SPATA13: variants seen among roughly 807,000 people sequenced by gnomAD.
SPATA13 encodes spermatogenesis associated 13.
In SPATA13, 50 loss-of-function variants were observed where a neutral mutation model predicts 104.0. That is an observed-to-expected ratio of 0.48 (90% CI 0.38 to 0.61). The LOEUF (loss-of-function observed/expected upper bound fraction) is 0.61. Among genes scored for constraint, SPATA13 ranks in the 20% least tolerant of loss-of-function variants. The probability of loss-of-function intolerance (pLI) is 0.00; values close to 1 mark genes in which losing one functional copy is unlikely to be tolerated. For missense variants in SPATA13, 1,524 were observed against 1,690.6 expected, an observed-to-expected ratio of 0.90 and a Z score of 1.73; for synonymous variants, 606 against 667.5, an observed-to-expected ratio of 0.91 and a Z score of 1.42.
chr13:24,037,309 A>G (rs1345129986), intron 3 of SPATA13, among the ~76,000 whole-genome samples: 1 of 151,762 alleles, frequency 6.6e-6, no homozygotes, highest in Non-Finnish European at 1.5e-5. Flanking sequence ...ATATGTAACA[A>G]ACCTGCACGT....
chr13:24,222,996 C>G lies in SPATA13; in HGVS notation c.67C>G (p.Leu23Val). 1 of 1,551,306 alleles carries G rather than the reference C, an allele frequency of 6.4e-7. No individual in the cohort carries two copies. Among genetic ancestry groups the G allele is most frequent in the Non-Finnish European group, 8.7e-7 (1 of 1,146,720 alleles). ...GAACATGACCACTGCCCCAAACGGCCTCGGGCCAGGCCCCGCAGCCCCCTG... is the reference window on the plus strand; with the variant it reads ...GAACATGACCACTGCCCCAAACGGCGTCGGGCCAGGCCCCGCAGCCCCCTG... ...LENMTTAPNG[L>V]GPGPAAPCAG... Residue 23 changes from leucine to valine, a missense_variant, in exon 2 of 13, where the codon CTC becomes GTC. Leu to Val is a conservative substitution (Grantham distance 32, BLOSUM62 1). Around this residue, in one of 2 missense-constraint regions of SPATA13, gnomAD observed 1,089 missense variants for 1,135.9 expected, o/e 0.96. Transcript: ENST00000382108.
At chr13:24,074,189 C>T (rs1231532923) in intron 3 of SPATA13, among the ~76,000 whole-genome samples, 1 of 152,196 alleles carries the variant, frequency 6.6e-6, no homozygotes, top group African/African-American at 2.4e-5. Context: ...TTCTCCCCAG[C>T]CCCTGGCAAC....
intron 3 of SPATA13, among the ~76,000 whole-genome samples, chr13:24,107,922 G>T (rs1417517609): frequency 6.6e-6 from 1 of 152,196 alleles, no homozygotes; most frequent in Non-Finnish European, 1.5e-5. Flanking sequence ...ATTATGCTTA[G>T]TTCTTATCTT....
intron 2 of SPATA13, among the ~76,000 whole-genome samples, chr13:24,233,428 A>T (rs1043017214): frequency 6.6e-6 from 1 of 152,174 alleles, no homozygotes; most frequent in Non-Finnish European, 1.5e-5. Flanking sequence ...TGTGCCTTCT[A>T]TGAGTCATCT....
In SPATA13 at chr13:24,129,009, C is replaced by T. The variant is rs116768000; in HGVS notation, c.-111-93810C>T. 8.0e-3 allele frequency among the ~76,000 whole-genome samples: 1,216 copies of T among 152,292 alleles called. 14 individuals are homozygous for T. Among genetic ancestry groups the T allele is most frequent in the African/African-American group, 0.028 (1,151 of 41,560 alleles). ...CAAAAGTGGGTGACAAACTCTACAC[C>T]GGGGTAAGTGACCCTTTCTGTTGTT... On this transcript the variant is annotated intron_variant, in intron 3 of 14. Coordinates refer to the SPATA13 transcript ENST00000424834.
chr13:24,200,500 T>C lies in SPATA13; in HGVS notation c.-111-22319T>C, dbSNP rs117831614. 3.8e-3 allele frequency among the ~76,000 whole-genome samples: 578 copies of C among 152,204 alleles called. 20 individuals are homozygous for C. The East Asian group carries it at 0.086, about 23-fold the overall frequency. ...CATTTTCCTTGAATGTCCCACCTCG[T>C]TCTCAGCCCCAAGTCTCCCACCCAA... is the stretch of plus-strand genomic sequence containing the variant. On this transcript the variant is annotated intron_variant, in intron 1 of 12. Transcript: ENST00000382108.
chr13:24,196,333 C>T (rs1197899759), intron 1 of SPATA13, among the ~76,000 whole-genome samples: 1 of 152,136 alleles, frequency 6.6e-6, no homozygotes, highest in Non-Finnish European at 1.5e-5. Context: ...AAAAGATTCA[C>T]ATGAATTTAC....
chr13:24,049,546 G>A (rs931065194), intron 3 of SPATA13, among the ~76,000 whole-genome samples: 1 of 152,016 alleles, frequency 6.6e-6, no homozygotes, highest in Non-Finnish European at 1.5e-5. Flanking sequence ...GACCTAAGAA[G>A]GTGTTGGTGG....
At chr13:24,183,485 A>G (rs1868938033) in intron 1 of SPATA13, among the ~76,000 whole-genome samples, 1 of 152,204 alleles carries the variant, frequency 6.6e-6, no homozygotes, top group Non-Finnish European at 1.5e-5. Context: ...CAAGGCTTTC[A>G]CTACTTTATA....
intron 3 of SPATA13, among the ~76,000 whole-genome samples, chr13:24,128,198 G>T (rs1239761764): frequency 1.3e-5 from 2 of 152,146 alleles, no homozygotes; most frequent in African/African-American, 4.8e-5. Context: ...CCAGAATCGA[G>T]CCCACTGCCC....
chr13:24,133,979 C>T (rs144647032), intron 3 of SPATA13, among the ~76,000 whole-genome samples: 172 of 152,238 alleles, frequency 1.1e-3, no homozygotes, highest in African/African-American at 3.6e-3. Flanking sequence ...CTGGGTCGAG[C>T]CCCTGGGGGA....
At chr13:24,128,905 CT>C (rs530006928) in intron 3 of SPATA13, among the ~76,000 whole-genome samples, 3 of 152,058 alleles carry the variant, frequency 2.0e-5, no homozygotes, top group Admixed American at 6.6e-5. Context: ...CCTTTTTATA[CT>C]TTTTTTTCTC....
At chr13:24,136,716 T>C (rs1881583465) in intron 3 of SPATA13, among the ~76,000 whole-genome samples, 3 of 152,248 alleles carry the variant, frequency 2.0e-5, no homozygotes, top group Admixed American at 1.3e-4. Flanking sequence ...AGCACAAGAC[T>C]GGCACATAGT....
intron 7 of SPATA13, 28 bp from the exon 8 acceptor site, chr13:24,288,971 T>TA: frequency 6.4e-7 from 1 of 1,560,412 alleles, no homozygotes; most frequent in Admixed American, 2.1e-5. Flanking sequence ...GATTTCCAAA[T>TA]AAAAAGTATT....
intron 11 of SPATA13, 39 bp from the exon 12 acceptor site, chr13:24,300,362 C>T (rs751544477): frequency 1.0e-5 from 16 of 1,552,542 alleles, no homozygotes; most frequent in Admixed American, 1.7e-5. Context: ...AACATGTCCA[C>T]GTGTTCTGAA....
At position 24,022,136 on chromosome 13, in the gene SPATA13, A is replaced by C. The variant is rs1269269787; in HGVS notation, c.-112+4435A>C. Reference sequence around the variant, plus strand: ...CATCTCACTGCAGCTTCCACCTCCCAGATTCAAGCAATTCTCCTGTCTCAG... The same window carrying C: ...CATCTCACTGCAGCTTCCACCTCCCCGATTCAAGCAATTCTCCTGTCTCAG... On this transcript the variant is annotated intron_variant, in intron 3 of 14. Transcript: ENST00000424834. 7.7e-5 allele frequency among the ~76,000 whole-genome samples: 11 copies of C among 143,242 alleles called. No homozygotes were observed. The South Asian group carries it at 2.2e-3, about 29-fold the overall frequency. 94.0% of individuals were successfully genotyped at this position (143,242 alleles called of 152,430 possible). A position where few individuals can be genotyped will look rare whatever the true frequency, so the allele number is the denominator to read the frequency against.
intron 3 of SPATA13, among the ~76,000 whole-genome samples, chr13:24,098,187 AC>A (rs1880142889): frequency 6.6e-6 from 1 of 152,210 alleles, no homozygotes. Context: ...AAAGAATAAA[AC>A]TCAAAATGGA....
intron 1 of SPATA13, among the ~76,000 whole-genome samples, chr13:24,194,930 C>T (rs1220561): frequency 0.075 from 11,338 of 152,142 alleles, 1,341 homozygotes; most frequent in African/African-American, 0.25. Context: ...GGGAAGTGGA[C>T]GATACAACTT....
chr13:24,225,214 G>C (rs1871861326), intron 2 of SPATA13, among the ~76,000 whole-genome samples: 1 of 152,262 alleles, frequency 6.6e-6, no homozygotes, highest in African/African-American at 2.4e-5. Flanking sequence ...GGAGCAGCGA[G>C]GGGTGTGTGA....
Sources: gnomAD v4.1 joint callset for allele counts (sites outside exome capture counted in the v4.1 genomes callset) on GRCh38, gnomAD v4.1.1 for gene constraint, gnomAD v4.1.1 regional missense constraint, MANE v1.5 for transcripts, NCBI Gene and HGNC (gene_info 2026-07-23, HGNC 2026-07-21) for gene names.